Variants in DPRX observed in about 807,000 individuals in gnomAD.
DPRX encodes the protein divergent paired-related homeobox.
Under a neutral mutation model 8.4 loss-of-function variants are expected in DPRX, and 11 were observed. The observed-to-expected ratio is 1.31, with a 90% CI of 0.82 to 2.17. The LOEUF is 2.17. Among genes scored for constraint, DPRX ranks in the 30% most tolerant of loss-of-function variants. The pLI is 0.00. For missense variants in DPRX, 211 were observed against 236.7 expected (o/e 0.89, Z 0.71); for synonymous variants, 72 against 87.0 (o/e 0.83, Z 0.96).
the DPRX span, among the ~76,000 whole-genome samples, chr19:53,603,972 C>G: frequency 2.6e-5 from 4 of 152,056 alleles, no homozygotes; most frequent in Non-Finnish European, 5.9e-5. Context: ...TCTCAAACTC[C>G]TGACCTCAAG....
chr19:53,634,798 CCA>C (rs2091106113), intron 2 of DPRX, 113 bp downstream of exon 2: 2 of 1,394,556 alleles, frequency 1.4e-6, no homozygotes. Flanking sequence ...TTCCCCAAAC[CCA>C]CACTCTCCTA....
the DPRX span, chr19:53,616,948 G>A: frequency 6.3e-6 from 8 of 1,278,050 alleles, no homozygotes; most frequent in Middle Eastern, 1.9e-4. Flanking sequence ...CAGAGGAATC[G>A]TTTATGATGT....
chr19:53,632,503 G>T (rs1325300138), intron 1 of DPRX, among the ~76,000 whole-genome samples: 7 of 151,588 alleles, frequency 4.6e-5, no homozygotes, highest in Non-Finnish European at 8.8e-5. Context: ...AGAGCCGGGG[G>T]TTTCACCATA....
chr19:53,617,325 G>A, the DPRX span: 5 of 577,014 alleles, frequency 8.7e-6, no homozygotes, highest in Non-Finnish European at 1.3e-5. Context: ...TTGGGAGGCC[G>A]AGGCGAGCGG....
chr19:53,632,298 T>C (rs1187654016), intron 1 of DPRX, among the ~76,000 whole-genome samples, 164 bp downstream of exon 1: 1 of 151,828 alleles, frequency 6.6e-6, no homozygotes, highest in Non-Finnish European at 1.5e-5. Flanking sequence ...TGTTGTTGTT[T>C]TGTTTTGTTT....
At chr19:53,620,455 T>C in the DPRX span, among the ~76,000 whole-genome samples, 12,648 of 149,698 alleles carry the variant, frequency 0.084, 690 homozygotes, top group East Asian at 0.27. Context: ...CTCTGCCCCC[T>C]GGGTTCAAGA....
the DPRX span, among the ~76,000 whole-genome samples, chr19:53,613,724 A>G: frequency 2.0e-5 from 3 of 151,794 alleles, no homozygotes; most frequent in African/African-American, 7.3e-5. Flanking sequence ...CACAACCCCA[A>G]ACGATGCGTT....
the DPRX span, among the ~76,000 whole-genome samples, chr19:53,621,934 A>C: frequency 1.3e-5 from 2 of 152,196 alleles, no homozygotes; most frequent in Admixed American, 1.3e-4. Flanking sequence ...TGGGCCCCAA[A>C]CCATTACTGA....
the DPRX span, among the ~76,000 whole-genome samples, chr19:53,616,446 G>T: frequency 6.6e-6 from 1 of 151,554 alleles, no homozygotes; most frequent in Non-Finnish European, 1.5e-5. Flanking sequence ...AGCTGTCCCA[G>T]TGTCATTTAT....
the DPRX span, among the ~76,000 whole-genome samples, chr19:53,618,009 CG>C: frequency 6.1e-4 from 92 of 151,306 alleles, no homozygotes; most frequent in Middle Eastern, 3.4e-3. Flanking sequence ...GTGGTGGTGG[CG>C]GGGCACCTGT....
At chr19:53,609,742 T>G in the DPRX span, among the ~76,000 whole-genome samples, 11,469 of 119,686 alleles carry the variant, frequency 0.096, 596 homozygotes, top group South Asian at 0.2. Flanking sequence ...CCCAGCACTT[T>G]GGGAGGCCAA....
upstream of DPRX, among the ~76,000 whole-genome samples, chr19:53,628,469 TCTAA>T (rs1403357982): frequency 5.3e-5 from 8 of 152,222 alleles, no homozygotes; most frequent in African/African-American, 1.7e-4. Flanking sequence ...AGTGTTTTTC[TCTAA>T]CTGTGGTGAC....
chr19:53,618,320 ACAGCTGGT>A, the DPRX span, among the ~76,000 whole-genome samples: 3 of 152,068 alleles, frequency 2.0e-5, no homozygotes, highest in Middle Eastern at 3.2e-3. Context: ...AGAACTCTGG[ACAGCTGGT>A]CAGCTTTACC....
chr19:53,601,389 A>G, the DPRX span: 1 of 456,352 alleles, frequency 2.2e-6, no homozygotes, highest in Non-Finnish European at 4.4e-6. Context: ...GCAAAGCGTT[A>G]ACCGTGAGCA....
At chr19:53,616,827 G>A in the DPRX span, 130 of 1,600,202 alleles carry the variant, frequency 8.1e-5, no homozygotes, top group Admixed American at 1.2e-4. Context: ...ACCGTGTCCC[G>A]TTCTTAGCGC....
At chr19:53,622,315 T>C in the DPRX span, among the ~76,000 whole-genome samples, 8 of 151,968 alleles carry the variant, frequency 5.3e-5, no homozygotes, top group Admixed American at 5.3e-4. Context: ...CACTGGAAAA[T>C]GTCAGCGTCA....
intron 1 of DPRX, among the ~76,000 whole-genome samples, chr19:53,632,480 T>C (rs1038106147): frequency 7.1e-6 from 1 of 141,446 alleles, no homozygotes; most frequent in Non-Finnish European, 1.6e-5. Context: ...TTTTTTTTTT[T>C]TGTATTTTTA....
chr19:53,630,494 T>C (rs1232976518), upstream of DPRX, among the ~76,000 whole-genome samples: 4 of 151,830 alleles, frequency 2.6e-5, 1 homozygote, highest in Admixed American at 2.0e-4. Context: ...TAAGGCTGCA[T>C]TGAGCTATGA....
chr19:53,609,012 C>T, the DPRX span, among the ~76,000 whole-genome samples: 110 of 140,844 alleles, frequency 7.8e-4, 1 homozygote, highest in African/African-American at 2.6e-3. Context: ...AGAAAGAAAG[C>T]GAGAAAGAAA....
Sources: gnomAD v4.1 joint callset for allele counts (sites outside exome capture counted in the v4.1 genomes callset) on GRCh38, gnomAD v4.1.1 for gene constraint, MANE v1.5 for transcripts, NCBI Gene and HGNC (gene_info 2026-07-23, HGNC 2026-07-21) for gene names.